The following CHN2 variants were observed in gnomAD, a reference collection of about 807,000 sequenced individuals.
CHN2 encodes chimerin 2.
CHN2 carries 35 observed loss-of-function variants against 56.3 expected under a neutral mutation model. That is an observed-to-expected ratio of 0.62 (90% CI 0.47 to 0.82). CHN2 has a LOEUF of 0.82. Ranked by LOEUF, CHN2 falls within the 40% of genes least tolerant of loss-of-function variation. The pLI, the probability that CHN2 is intolerant of heterozygous loss-of-function variation, is 0.00. For synonymous variants in CHN2, 210 were observed against 212.8 expected, an observed-to-expected ratio of 0.99 and a Z score of 0.12; for missense variants, 491 against 580.5, an observed-to-expected ratio of 0.85 and a Z score of 1.58.
intron 6 of CHN2, among the ~76,000 whole-genome samples, chr7:29,466,680 T>C (rs1014194092): frequency 5.3e-5 from 8 of 152,228 alleles, no homozygotes; most frequent in Non-Finnish European, 1.2e-4. Context: ...GTTTTGCACA[T>C]CTGAGAGTTT....
intron 2 of CHN2, chr7:29,181,435 A>T (rs187573191): frequency 3.0e-4 from 45 of 152,232 alleles, no homozygotes; most frequent in African/African-American, 1.0e-3. Context: ...ACAGAAAGGC[A>T]CATATAGATT....
intron 1 of CHN2, among the ~76,000 whole-genome samples, chr7:29,287,781 C>A (rs951071138): frequency 6.6e-6 from 1 of 152,140 alleles, no homozygotes. Flanking sequence ...TTTTGTCTTC[C>A]TTAATGACCC....
At chr7:29,360,385 G>A (rs1302641341) in intron 2 of CHN2, among the ~76,000 whole-genome samples, 2 of 152,128 alleles carry the variant, frequency 1.3e-5, no homozygotes, top group Non-Finnish European at 1.5e-5. Context: ...GCCAGGCATG[G>A]TGGTGCATGC....
In CHN2 at chr7:29,165,463, G is replaced by T. The variant is rs542450546; in HGVS notation, c.274+18503G>T. On this transcript the variant is annotated intron_variant, in intron 2 of 6. Transcript: ENST00000439384. ...GATTTTTTTTAAATCACCTATACTG[G>T]TTCAAAGAATTTTCCACAGTCATGT... 2.6e-5 allele frequency among the ~76,000 whole-genome samples: 4 copies of T among 152,002 alleles called. No individual in the cohort carries two copies. In the South Asian group the frequency reaches 8.3e-4, roughly 32 times the overall value.
rs762075470 is a variant in CHN2 at position 29,309,293 on chromosome 7, A to G, written c.50-45332A>G. Among the ~76,000 whole-genome samples the G allele has an allele frequency of 7.9e-5, 12 of 152,190 alleles. 1 individual carries two copies. Among genetic ancestry groups the G allele is most frequent in the Admixed American group, 2.0e-4 (3 of 15,276 alleles). The stretch of plus-strand genomic sequence containing the variant: ...TTTGAGTCCAGTCTTCCAGATGAGC[A>G]GCCTGAGAGTAGCAGTGCTCTCCTT... On this transcript the variant is annotated intron_variant, in intron 1 of 12. Coordinates refer to ENST00000222792, the MANE Select transcript of CHN2 (RefSeq NM_004067.4).
intron 2 of CHN2, among the ~76,000 whole-genome samples, chr7:29,168,103 C>T (rs1030331498): frequency 1.3e-5 from 2 of 152,198 alleles, no homozygotes; most frequent in Non-Finnish European, 2.9e-5. Context: ...CCTAGCATAT[C>T]ATAACATACA....
chr7:29,419,522 T>A (rs1242179874), intron 6 of CHN2, among the ~76,000 whole-genome samples: 3 of 152,222 alleles, frequency 2.0e-5, no homozygotes, highest in Admixed American at 6.5e-5. Context: ...TGTCAAAGGA[T>A]GCAATCAACA....
At chr7:29,329,622 C>T (rs1162966880) in intron 1 of CHN2, among the ~76,000 whole-genome samples, 1 of 152,100 alleles carries the variant, frequency 6.6e-6, no homozygotes, top group Non-Finnish European at 1.5e-5. Context: ...CAGCTATTCT[C>T]GAGTCGTGTG....
At position 29,377,321 on chromosome 7, in the gene CHN2, G is replaced by A. The variant is rs138099634; in HGVS notation, c.144+9334G>A. 5.3e-5 allele frequency among the ~76,000 whole-genome samples: 8 copies of A among 152,274 alleles called. No homozygotes were observed. In the East Asian group the frequency reaches 7.7e-4, roughly 15 times the overall value. ...TCACAGGCGTGAGCGACCACGCCCCGCCTCAAATTCAGTCTTAATATGATG... is the reference window on the plus strand; with the variant it reads ...TCACAGGCGTGAGCGACCACGCCCCACCTCAAATTCAGTCTTAATATGATG... On this transcript the variant is annotated intron_variant, in intron 3 of 12. Coordinates refer to ENST00000222792, the MANE Select transcript of CHN2 (RefSeq NM_004067.4).
At chr7:29,359,587 C>A (rs1798571927) in intron 2 of CHN2, among the ~76,000 whole-genome samples, 1 of 152,148 alleles carries the variant, frequency 6.6e-6, no homozygotes, top group African/African-American at 2.4e-5. Context: ...TCATGGCTTA[C>A]TGAGCTGTTT....
Position 29,197,849 on chromosome 7 carries a change from T to C in CHN2, c.49+2859T>C, listed in dbSNP as rs57403047. On this transcript the variant is annotated intron_variant, in intron 1 of 12. Coordinates refer to ENST00000222792, the MANE Select transcript of CHN2 (RefSeq NM_004067.4). ...AGGGTGCAGAGGAGAGGAATTGACT[T>C]AGTCAAATTAGAGGGGTCAGTGGAA... 4.1e-3 allele frequency: 1,848 copies of C among 450,820 alleles called. 33 individuals are homozygous for C. The highest frequency in any genetic ancestry group is 0.035 in the African/African-American group (1,719 of 49,728). 27.9% of individuals were successfully genotyped at this position (450,820 alleles called of 1,614,324 possible). A position where few individuals can be genotyped will look rare whatever the true frequency, so the allele number is the denominator to read the frequency against.
intron 6 of CHN2, among the ~76,000 whole-genome samples, chr7:29,419,173 T>C (rs1234169767): frequency 2.0e-5 from 3 of 152,174 alleles, no homozygotes; most frequent in African/African-American, 4.8e-5. Flanking sequence ...TGTTTAATTG[T>C]TAGTTAGATA....
At chr7:29,488,136 G>A (rs1031595611) in intron 7 of CHN2, among the ~76,000 whole-genome samples, 1 of 152,166 alleles carries the variant, frequency 6.6e-6, no homozygotes, top group African/African-American at 2.4e-5. Flanking sequence ...CAGCTCTCCT[G>A]CCCCATCTCC....
chr7:29,231,860 G>A (rs1448842424), intron 1 of CHN2, among the ~76,000 whole-genome samples: 15 of 152,154 alleles, frequency 9.9e-5, no homozygotes, highest in Admixed American at 9.8e-4. Flanking sequence ...TGTGATCATG[G>A]TTCCTATCTG....
chr7:29,326,172 T>A (rs73301247), intron 1 of CHN2, among the ~76,000 whole-genome samples: 30,165 of 152,146 alleles, frequency 0.2, 3,144 homozygotes, highest in South Asian at 0.31. Flanking sequence ...TTGTTGTTTT[T>A]TTTTGAGACG....
chr7:29,359,386 G>A (rs907907459), intron 2 of CHN2, among the ~76,000 whole-genome samples: 1 of 152,100 alleles, frequency 6.6e-6, no homozygotes, highest in Non-Finnish European at 1.5e-5. Flanking sequence ...CATTAATTTA[G>A]TCACTCCTTC....
intron 9 of CHN2, among the ~76,000 whole-genome samples, chr7:29,502,753 A>T (rs6967543): frequency 0.7 from 100,170 of 142,238 alleles, 33,764 homozygotes; most frequent in Admixed American, 0.77. Context: ...TTTTTTTTTT[A>T]AAAGTGACGG....
chr7:29,332,977 A>G (rs938172245), intron 1 of CHN2: 13 of 152,090 alleles, frequency 8.5e-5, no homozygotes, highest in Non-Finnish European at 1.5e-4. Context: ...GGAGTCAGAA[A>G]GGAGGTGAGG....
At chr7:29,326,275 A>G (rs554768205) in intron 1 of CHN2, among the ~76,000 whole-genome samples, 2 of 152,252 alleles carry the variant, frequency 1.3e-5, no homozygotes, top group East Asian at 3.9e-4. Context: ...CTCCTGCCTC[A>G]GCCTCCCGAG....
Sources: allele counts gnomAD v4.1 joint callset (sites outside exome capture counted in the v4.1 genomes callset), GRCh38; gene constraint gnomAD v4.1.1; transcripts MANE v1.5; gene names NCBI Gene and HGNC (gene_info 2026-07-23, HGNC 2026-07-21).